Variants in RAP1GAP2 observed in about 807,000 individuals in gnomAD.
RAP1GAP2 encodes RAP1 GTPase activating protein 2, also known as rap1 GTPase-activating protein 2.
RAP1GAP2 carries 27 observed loss-of-function variants against 95.0 expected under a neutral mutation model. That is an observed-to-expected ratio of 0.28 (90% CI 0.21 to 0.39). The LOEUF is 0.39. Among genes scored for constraint, RAP1GAP2 ranks in the 10% least tolerant of loss-of-function variants. The pLI, the probability that RAP1GAP2 is intolerant of heterozygous loss-of-function variation, is 1.00. For synonymous variants in RAP1GAP2, 373 were observed against 380.9 expected (o/e 0.98, Z 0.24); for missense variants, 771 against 970.0 (o/e 0.79, Z 2.72).
chr17:3,034,894 C>G lies in RAP1GAP2; in HGVS notation c.*1533C>G, dbSNP rs895592511. The G allele has an allele frequency of 4.2e-4, 64 of 152,324 alleles. No individual in the cohort carries two copies. Among genetic ancestry groups the G allele is most frequent in the African/African-American group, 1.4e-3 (58 of 41,564 alleles). 9.4% of individuals were successfully genotyped at this position (152,324 alleles called of 1,614,324 possible). On this transcript the variant is annotated 3_prime_UTR_variant, in exon 25 of 25. Coordinates refer to ENST00000254695, the MANE Select transcript of RAP1GAP2 (RefSeq NM_015085.5). The surrounding 1 kb of genome is among the most constrained non-coding windows in gnomAD (Gnocchi z 5.1). ...AGAGTGACACTGGCTGGGCACCTGC[C>G]CCACGACCAATGACAAGGATTTCCA...
chr17:2,795,165 G>A (rs1205065139), upstream of RAP1GAP2, among the ~76,000 whole-genome samples: 6 of 151,274 alleles, frequency 4.0e-5, no homozygotes, highest in African/African-American at 1.2e-4. Context: ...GGTGTGAGCC[G>A]CCACACCCGG....
At chr17:2,972,209 G>C (rs895507498) in intron 8 of RAP1GAP2, among the ~76,000 whole-genome samples, 4 of 152,098 alleles carry the variant, frequency 2.6e-5, no homozygotes, top group Non-Finnish European at 4.4e-5. Flanking sequence ...CTCTTCAAAT[G>C]TTTCTAGATC....
At chr17:2,873,373 G>A (rs1017893446) in intron 2 of RAP1GAP2, among the ~76,000 whole-genome samples, 61 of 148,556 alleles carry the variant, frequency 4.1e-4, no homozygotes, top group Non-Finnish European at 7.0e-4. Flanking sequence ...TACTTGGGAG[G>A]CTGAGGTGGG....
At position 2,902,626 on chromosome 17, in the gene RAP1GAP2, G is replaced by A. The variant is rs188132975; in HGVS notation, c.81-2658G>A. ...GCTTGCATGAGGCTGGTCACCACTG[G>A]TGCTCATGTCTGCTCTAGCGCCTTC... On this transcript the variant is annotated intron_variant, in intron 2 of 24. Transcript: ENST00000254695. The surrounding 1 kb of genome is among the most constrained non-coding windows in gnomAD (Gnocchi z 4.1). Among the ~76,000 whole-genome samples, 1 of 152,162 alleles carries A rather than the reference G, an allele frequency of 6.6e-6. No homozygotes were observed.
chr17:2,767,870 T>C (rs1248113663), intron 1 of RAP1GAP2, among the ~76,000 whole-genome samples: 2 of 151,876 alleles, frequency 1.3e-5, no homozygotes, highest in Non-Finnish European at 2.9e-5. Context: ...GTAGCTGGGA[T>C]TACAGGTACC....
At chr17:2,952,070 G>T (rs1442664027) in intron 3 of RAP1GAP2, among the ~76,000 whole-genome samples, 1 of 151,976 alleles carries the variant, frequency 6.6e-6, no homozygotes, top group African/African-American at 2.4e-5. Context: ...ATACTGAAAA[G>T]CACAAAGGGA....
chr17:2,890,418 T>G (rs184488620), intron 2 of RAP1GAP2, among the ~76,000 whole-genome samples: 179 of 152,320 alleles, frequency 1.2e-3, no homozygotes, highest in African/African-American at 4.3e-3. Flanking sequence ...GAGTTAAGAC[T>G]TAAGACACAG....
chr17:2,924,790 C>T (rs2042899129), intron 3 of RAP1GAP2, among the ~76,000 whole-genome samples: 1 of 152,214 alleles, frequency 6.6e-6, no homozygotes, highest in African/African-American at 2.4e-5. Flanking sequence ...CCTATTTCGT[C>T]TTGGAGCCTA....
chr17:2,895,195 C>G (rs1413182778), intron 2 of RAP1GAP2, among the ~76,000 whole-genome samples: 1 of 152,234 alleles, frequency 6.6e-6, no homozygotes, highest in Non-Finnish European at 1.5e-5. Flanking sequence ...AAGAGGGTCT[C>G]TGTCAAAGCT....
chr17:2,957,616 A>G, intron 3 of RAP1GAP2, 143 bp from the exon 4 acceptor site: 1 of 984,098 alleles, frequency 1.0e-6, no homozygotes, highest in Non-Finnish European at 1.5e-6. Flanking sequence ...GCAAAATCAA[A>G]TTATCTTCTC....
At chr17:2,802,319 T>A (rs1347352654) in intron 2 of RAP1GAP2, among the ~76,000 whole-genome samples, 1 of 152,148 alleles carries the variant, frequency 6.6e-6, no homozygotes, top group Admixed American at 6.5e-5. Context: ...CCACTTTGGT[T>A]GGTTTTGTTC....
Position 3,003,786 on chromosome 17 carries a change from G to A in RAP1GAP2, c.1201-1583G>A. Among the ~76,000 whole-genome samples the A allele has an allele frequency of 1.3e-5, 2 of 152,218 alleles. 1 individual carries two copies. Among genetic ancestry groups the A allele is most frequent in the Non-Finnish European group, 2.9e-5 (2 of 68,038 alleles). On this transcript the variant is annotated intron_variant, in intron 14 of 24. Coordinates refer to ENST00000254695, the MANE Select transcript of RAP1GAP2 (RefSeq NM_015085.5). The surrounding 1 kb of genome is among the most constrained non-coding windows in gnomAD (Gnocchi z 4.1). ...CAGTGACCCAGATGTCCCCAAGAGGGGGGAACAACAAAGGCCTGGCCGCCT... is the reference window on the plus strand; with the variant it reads ...CAGTGACCCAGATGTCCCCAAGAGGAGGGAACAACAAAGGCCTGGCCGCCT...
At chr17:2,969,162 T>TA (rs1363360164) in intron 8 of RAP1GAP2, among the ~76,000 whole-genome samples, 10 of 108,920 alleles carry the variant, frequency 9.2e-5, no homozygotes, top group Non-Finnish European at 2.1e-4. Context: ...CATATTTTTC[T>TA]TTATCTATCT....
At chr17:2,884,372 G>GTTTTTTTTTTTT (rs72123618) in intron 2 of RAP1GAP2, among the ~76,000 whole-genome samples, 1 of 123,738 alleles carries the variant, frequency 8.1e-6, no homozygotes, top group African/African-American at 3.0e-5. Flanking sequence ...TTCTTGAGTT[G>GTTTTTTTTTTTT]TTTTTTTTTT....
Position 2,827,133 on chromosome 17 carries a change from T to G in RAP1GAP2, c.80+26583T>G. Among the ~76,000 whole-genome samples, 1 of 152,160 alleles carries G rather than the reference T, an allele frequency of 6.6e-6. No homozygotes were observed. The highest frequency in any genetic ancestry group is 1.5e-5 in the Non-Finnish European group (1 of 68,022). The stretch of plus-strand genomic sequence containing the variant: ...ACGTGGGTGAGGCAGGAGGGAAGCC[T>G]AGTAGCAGAGAAGATGATGCCTTCG... On this transcript the variant is annotated intron_variant, in intron 2 of 24. Transcript: ENST00000254695. The surrounding 1 kb of genome is among the most constrained non-coding windows in gnomAD (Gnocchi z 4.1).
intron 2 of RAP1GAP2, among the ~76,000 whole-genome samples, chr17:2,834,082 C>T (rs1380555589): frequency 6.6e-6 from 1 of 152,154 alleles, no homozygotes; most frequent in East Asian, 1.9e-4. Context: ...TGGTCTTTTG[C>T]TGAGAATAAC....
At chr17:2,815,125 C>T (rs1011334477) in intron 2 of RAP1GAP2, among the ~76,000 whole-genome samples, 1 of 152,168 alleles carries the variant, frequency 6.6e-6, no homozygotes, top group Non-Finnish European at 1.5e-5. Flanking sequence ...GATTCTGCCT[C>T]ATCAGCCTGG....
At chr17:2,856,731 T>C (rs572447677) in intron 2 of RAP1GAP2, among the ~76,000 whole-genome samples, 115 of 152,270 alleles carry the variant, frequency 7.6e-4, no homozygotes, top group African/African-American at 2.6e-3. Context: ...ATGGAGTCCT[T>C]TATTTCTTCC....
intron 3 of RAP1GAP2, among the ~76,000 whole-genome samples, chr17:2,913,172 TG>T (rs1222277168): frequency 6.7e-6 from 1 of 150,204 alleles, no homozygotes; most frequent in Non-Finnish European, 1.5e-5. Flanking sequence ...AGCAAAATCC[TG>T]TTTCAAAAAA....
Sources: gnomAD v4.1 joint callset for allele counts (sites outside exome capture counted in the v4.1 genomes callset) on GRCh38, gnomAD v4.1.1 for gene constraint, Gnocchi (gnomAD v3.1) non-coding constraint, MANE v1.5 for transcripts, NCBI Gene and HGNC (gene_info 2026-07-23, HGNC 2026-07-21) for gene names.